The following IQUB variants were observed in gnomAD, a reference collection of about 807,000 sequenced individuals.
The protein encoded by IQUB is IQ motif and ubiquitin-like domain-containing protein.
IQUB carries 86 observed loss-of-function variants against 86.4 expected under a neutral mutation model. That is an observed-to-expected ratio of 1.00 (90% CI 0.84 to 1.19). The LOEUF (loss-of-function observed/expected upper bound fraction) is 1.19, where lower values mean the gene tolerates loss of function less well. Ranked by LOEUF, IQUB falls within the 50% of genes most tolerant of loss-of-function variation. The probability of loss-of-function intolerance (pLI) is 0.00; values close to 1 mark genes in which losing one functional copy is unlikely to be tolerated. For missense variants in IQUB, 946 were observed against 916.9 expected, an observed-to-expected ratio of 1.03 and a Z score of -0.41; for synonymous variants, 289 against 304.5, an observed-to-expected ratio of 0.95 and a Z score of 0.53.
chr7:123,466,344 C>T (rs1425501878), intron 9 of IQUB, among the ~76,000 whole-genome samples: 1 of 152,004 alleles, frequency 6.6e-6, no homozygotes, highest in African/African-American at 2.4e-5. Context: ...CTTTTTATTA[C>T]TGGTCCTAAT....
At chr7:123,466,524 G>C (rs1203464508) in intron 9 of IQUB, among the ~76,000 whole-genome samples, 1 of 152,058 alleles carries the variant, frequency 6.6e-6, no homozygotes, top group Non-Finnish European at 1.5e-5. Context: ...TCTTTGAAAA[G>C]GTAGTCCAGA....
In IQUB at chr7:123,504,181, G is replaced by A. The variant is rs563213953; in HGVS notation, c.533-818C>T. On this transcript the variant is annotated intron_variant, in intron 3 of 12. Transcript: ENST00000324698. ...AAAAGACATTTAGGCCACACATGGC[G>A]GTTCATGCTTGTAATATCAGCACTT... Among the ~76,000 whole-genome samples, 159 of 152,182 alleles carry A rather than the reference G, an allele frequency of 1.0e-3. 1 individual carries two copies. In the Middle Eastern group the frequency reaches 0.017, roughly 16 times the overall value.
intron 2 of IQUB, among the ~76,000 whole-genome samples, chr7:123,510,268 T>C (rs1156767544): frequency 1.3e-5 from 2 of 152,064 alleles, no homozygotes; most frequent in Non-Finnish European, 2.9e-5. Context: ...TCTCAAAAAT[T>C]AGCTCTAATG....
chr7:123,510,165 G>T, intron 2 of IQUB, 130 bp from the exon 3 acceptor site: 2 of 608,618 alleles, frequency 3.3e-6, no homozygotes, highest in South Asian at 2.7e-5. Context: ...TCTTGCTAGT[G>T]TTTCCCTGCT....
chr7:123,460,109 T>G (rs991476085), intron 11 of IQUB, among the ~76,000 whole-genome samples: 4 of 152,050 alleles, frequency 2.6e-5, no homozygotes, highest in African/African-American at 9.6e-5. Context: ...GGAATCAGAC[T>G]GCCTAGTTTT....
rs1232687380 is a variant in IQUB at position 123,452,470 on chromosome 7, A to AAATTT, written c.*268_*272dup. The stretch of plus-strand genomic sequence containing the variant: ...TCTAATATACTTGAAAAAATTTAAA[A>AAATTT]AATTTAATGTGAAAACACATTTTAA... On this transcript the variant is annotated 3_prime_UTR_variant, in exon 13 of 13. Coordinates refer to ENST00000324698, the MANE Select transcript of IQUB (RefSeq NM_178827.5). The AAATTT allele has an allele frequency of 4.4e-6, 1 of 229,340 alleles. No individual in the cohort carries two copies. The highest frequency in any genetic ancestry group is 2.2e-5 in the African/African-American group (1 of 44,494). The allele number at this position is 229,340 out of a possible 1,614,324, so 14.2% of individuals were successfully genotyped here. A position where few individuals can be genotyped will look rare whatever the true frequency, so the allele number is the denominator to read the frequency against.
At chr7:123,465,979 G>A (rs1211180903) in intron 9 of IQUB, among the ~76,000 whole-genome samples, 1 of 151,996 alleles carries the variant, frequency 6.6e-6, no homozygotes, top group Non-Finnish European at 1.5e-5. Flanking sequence ...TCACTGGTCT[G>A]TATTAGTAAC....
At chr7:123,456,467 C>T (rs1793701018) in intron 12 of IQUB, among the ~76,000 whole-genome samples, 1 of 151,980 alleles carries the variant, frequency 6.6e-6, no homozygotes, top group Non-Finnish European at 1.5e-5. Flanking sequence ...TTTTCTTAGC[C>T]TGGCTTCTTA....
Position 123,452,784 on chromosome 7 carries a change from T to G in IQUB, c.2335A>C (p.Thr779Pro). Residue 779 changes from threonine (T) to proline (P), a missense_variant, in exon 13 of 13, where the codon ACA (threonine) becomes CCA (proline). By Grantham distance (38) the Thr-to-Pro change is conservative. Transcript: ENST00000324698. ...DEIRWKYHSD[T>P]TPKIIESQRP... ...TGGGATTCTATAATCTTAGGTGTTGTGTCTGAGTGATACTTCCATCTGATC... is the reference window on the plus strand; with the variant it reads ...TGGGATTCTATAATCTTAGGTGTTGGGTCTGAGTGATACTTCCATCTGATC... 1 of 1,613,632 alleles carries G rather than the reference T, an allele frequency of 6.2e-7. No homozygotes were observed. The highest frequency in any genetic ancestry group is 8.5e-7 in the Non-Finnish European group (1 of 1,179,700).
At chr7:123,453,763 T>C (rs918309113) in intron 12 of IQUB, among the ~76,000 whole-genome samples, 1 of 152,192 alleles carries the variant, frequency 6.6e-6, no homozygotes, top group African/African-American at 2.4e-5. Context: ...TATAAATTGC[T>C]TTTTCTGTTC....
In IQUB at chr7:123,480,838, T is replaced by C. The variant is rs545830883; in HGVS notation, c.1235-868A>G. Among the ~76,000 whole-genome samples the C allele has an allele frequency of 4.6e-5, 7 of 152,290 alleles. No individual in the cohort carries two copies. In the East Asian group the frequency reaches 1.3e-3, roughly 29 times the overall value. Reference sequence around the variant, plus strand: ...ACTGTTTATTCAAACTAATGCATTATGTTATAATAATATTTATGATATTTT... The same window carrying C: ...ACTGTTTATTCAAACTAATGCATTACGTTATAATAATATTTATGATATTTT... On this transcript the variant is annotated intron_variant, in intron 7 of 12. Transcript: ENST00000324698.
intron 1 of IQUB, among the ~76,000 whole-genome samples, chr7:123,523,885 G>C (rs1250818442): frequency 6.6e-6 from 1 of 152,130 alleles, no homozygotes; most frequent in African/African-American, 2.4e-5. Context: ...TTTGTATAAC[G>C]TGTAAGGAAG....
chr7:123,481,251 A>C (rs1476299563), intron 7 of IQUB, among the ~76,000 whole-genome samples: 1 of 151,976 alleles, frequency 6.6e-6, no homozygotes, highest in African/African-American at 2.4e-5. Context: ...CCCCCCACTT[A>C]TGTTTTATCT....
intron 12 of IQUB, among the ~76,000 whole-genome samples, chr7:123,453,285 T>TATATATA: frequency 7.0e-6 from 1 of 142,480 alleles, no homozygotes; most frequent in East Asian, 2.0e-4. Flanking sequence ...TATATATATA[T>TATATATA]TATTAATGTT....
At chr7:123,458,852 C>T (rs1181762608) in intron 11 of IQUB, among the ~76,000 whole-genome samples, 2 of 151,878 alleles carry the variant, frequency 1.3e-5, no homozygotes, top group African/African-American at 2.4e-5. Context: ...TACAGATAAA[C>T]GAGGTGACTA....
chr7:123,462,007 A>G (rs564770077), intron 10 of IQUB, among the ~76,000 whole-genome samples: 1 of 151,928 alleles, frequency 6.6e-6, no homozygotes, highest in Admixed American at 6.6e-5. Context: ...CACTAACCCA[A>G]TTGTTCTTCT....
At chr7:123,470,837 C>G (rs566480061) in intron 8 of IQUB, among the ~76,000 whole-genome samples, 6 of 146,866 alleles carry the variant, frequency 4.1e-5, no homozygotes, top group Admixed American at 1.4e-4. Context: ...GGTGACAGAG[C>G]AAGACTCTGT....
At chr7:123,523,651 G>A (rs934226238) in intron 1 of IQUB, among the ~76,000 whole-genome samples, 1 of 151,534 alleles carries the variant, frequency 6.6e-6, no homozygotes, top group Admixed American at 6.6e-5. Flanking sequence ...CATTTTGTAG[G>A]TTGCCTGTTC....
At chr7:123,530,351 G>A (rs1040293079) in intron 1 of IQUB, among the ~76,000 whole-genome samples, 46 of 150,980 alleles carry the variant, frequency 3.0e-4, no homozygotes, top group African/African-American at 1.0e-3. Flanking sequence ...CAGGAGAATC[G>A]CTTCAACCTG....
Sources: allele counts gnomAD v4.1 joint callset (sites outside exome capture counted in the v4.1 genomes callset), GRCh38; gene constraint gnomAD v4.1.1; transcripts MANE v1.5; gene names NCBI Gene and HGNC (gene_info 2026-07-23, HGNC 2026-07-21).